The following ABTB3 variants were observed in gnomAD, a reference collection of about 807,000 sequenced individuals.
ABTB3 encodes the protein ankyrin repeat and BTB domain containing 3, also known as ankyrin repeat- and BTB/POZ domain-containing protein 3.
At chr12:107,430,114 C>T in the ABTB3 span, among the ~76,000 whole-genome samples, 1 of 152,010 alleles carries the variant, frequency 6.6e-6, no homozygotes, top group African/African-American at 2.4e-5. Context: ...GTTCTTTTTT[C>T]AGTTGGTAGT....
At chr12:107,533,173 G>C in the ABTB3 span, among the ~76,000 whole-genome samples, 1 of 152,056 alleles carries the variant, frequency 6.6e-6, no homozygotes. Context: ...AAACTGCAAA[G>C]CTAAAGAATA....
At chr12:107,427,255 C>T in the ABTB3 span, among the ~76,000 whole-genome samples, 2 of 151,956 alleles carry the variant, frequency 1.3e-5, no homozygotes, top group African/African-American at 4.8e-5. Context: ...GTTGCCTTCT[C>T]TCTGACTTCT....
the ABTB3 span, among the ~76,000 whole-genome samples, chr12:107,438,534 G>A: frequency 3.9e-5 from 6 of 152,164 alleles, no homozygotes; most frequent in African/African-American, 7.2e-5. Flanking sequence ...CTCAGGAGGC[G>A]TTAGAATATT....
At chr12:107,617,136 C>G in the ABTB3 span, 2 of 1,614,104 alleles carry the variant, frequency 1.2e-6, no homozygotes, top group East Asian at 4.5e-5. Flanking sequence ...TGGAGCATGG[C>G]GAGGAGAACT....
At chr12:107,618,256 C>G in the ABTB3 span, 10 of 1,613,754 alleles carry the variant, frequency 6.2e-6, no homozygotes, top group South Asian at 1.1e-4. Flanking sequence ...CTGGCGGAGA[C>G]AGCCCCGCCC....
the ABTB3 span, among the ~76,000 whole-genome samples, chr12:107,482,908 T>C: frequency 7.2e-6 from 1 of 138,350 alleles, no homozygotes; most frequent in Admixed American, 7.0e-5. Context: ...CTCTCTCTCT[T>C]TCTTCTTCTT....
chr12:107,484,158 A>G, the ABTB3 span, among the ~76,000 whole-genome samples: 1 of 152,230 alleles, frequency 6.6e-6, no homozygotes, highest in Non-Finnish European at 1.5e-5. Context: ...AGAGCTGACC[A>G]TGAACATATA....
chr12:107,373,583 TGCAGA>T, the ABTB3 span, among the ~76,000 whole-genome samples: 2 of 152,226 alleles, frequency 1.3e-5, no homozygotes, highest in Admixed American at 1.3e-4. Context: ...TGTGATATTA[TGCAGA>T]GGCCTTAACC....
the ABTB3 span, among the ~76,000 whole-genome samples, chr12:107,601,307 A>T: frequency 3.3e-5 from 5 of 152,200 alleles, no homozygotes; most frequent in African/African-American, 1.2e-4. Context: ...GGATTCAGAC[A>T]CTCAGACCTT....
the ABTB3 span, among the ~76,000 whole-genome samples, chr12:107,382,994 C>G: frequency 6.6e-6 from 1 of 152,152 alleles, no homozygotes; most frequent in Non-Finnish European, 1.5e-5. Flanking sequence ...AGAAAATGGG[C>G]TTGTCGGTGC....
chr12:107,434,675 C>T, the ABTB3 span, among the ~76,000 whole-genome samples: 1 of 152,026 alleles, frequency 6.6e-6, no homozygotes, highest in Non-Finnish European at 1.5e-5. Flanking sequence ...CCAGTCTGGG[C>T]AATGAAGTGA....
At chr12:107,469,138 A>T in the ABTB3 span, among the ~76,000 whole-genome samples, 1 of 152,056 alleles carries the variant, frequency 6.6e-6, no homozygotes, top group Non-Finnish European at 1.5e-5. Context: ...AGACACTGTG[A>T]CTCACCCCAC....
At chr12:107,328,858 G>A in the ABTB3 span, among the ~76,000 whole-genome samples, 2 of 152,198 alleles carry the variant, frequency 1.3e-5, no homozygotes, top group Non-Finnish European at 1.5e-5. Context: ...GGCGTGTGGG[G>A]TAGAGGGCGG....
At chr12:107,459,288 A>T in the ABTB3 span, among the ~76,000 whole-genome samples, 1 of 152,228 alleles carries the variant, frequency 6.6e-6, no homozygotes, top group African/African-American at 2.4e-5. Flanking sequence ...GAGCCTTCTC[A>T]CATTGCCGCA....
the ABTB3 span, chr12:107,581,185 G>T: frequency 1.9e-6 from 3 of 1,539,020 alleles, no homozygotes; most frequent in Non-Finnish European, 2.6e-6. Flanking sequence ...TGATGGAGTG[G>T]ATCCGGGTGG....
the ABTB3 span, among the ~76,000 whole-genome samples, chr12:107,655,623 T>G: frequency 1.3e-5 from 2 of 152,228 alleles, no homozygotes; most frequent in Non-Finnish European, 2.9e-5. Context: ...AGAGCCACGT[T>G]CCAAATGTCA....
the ABTB3 span, chr12:107,520,543 A>G: frequency 3.1e-6 from 5 of 1,614,210 alleles, no homozygotes; most frequent in Middle Eastern, 1.6e-4. Context: ...GCGGTCAAAC[A>G]AGCCAGGGGA....
the ABTB3 span, among the ~76,000 whole-genome samples, chr12:107,349,275 C>T: frequency 2.0e-5 from 3 of 152,166 alleles, no homozygotes; most frequent in African/African-American, 7.2e-5. Context: ...TCATCTATAA[C>T]ATCATTGTTC....
chr12:107,433,360 G>A, the ABTB3 span, among the ~76,000 whole-genome samples: 1 of 149,284 alleles, frequency 6.7e-6, no homozygotes, highest in Non-Finnish European at 1.5e-5. Context: ...AAGGGGGTTT[G>A]TTGGATTTAT....
Sources: allele counts gnomAD v4.1 joint callset (sites outside exome capture counted in the v4.1 genomes callset), GRCh38; gene constraint gnomAD v4.1.1; transcripts MANE v1.5; gene names NCBI Gene and HGNC (gene_info 2026-07-23, HGNC 2026-07-21).